Variants in PIK3R1 observed in about 807,000 individuals in gnomAD.
PIK3R1 encodes the protein phosphatidylinositol 3-kinase regulatory subunit alpha.
A neutral mutation model predicts 98.0 loss-of-function variants in PIK3R1; 29 were observed. The ratio of observed to expected loss-of-function variants is 0.30; its 90% confidence interval spans 0.22 to 0.40. The LOEUF is 0.40. PIK3R1 is among the 10% of genes least tolerant of loss of function. The pLI, the probability that PIK3R1 is intolerant of heterozygous loss-of-function variation, is 1.00. For synonymous variants in PIK3R1, 282 were observed against 311.8 expected (o/e 0.90, Z 1.01); for missense variants, 596 against 872.7 (o/e 0.68, Z 3.99).
intron 8 of PIK3R1, 94 bp from the exon 9 acceptor site, chr5:68,293,007 C>T (rs1747478879): frequency 9.7e-7 from 1 of 1,034,254 alleles, no homozygotes; most frequent in Non-Finnish European, 1.5e-6. Context: ...TTGCTGTGAA[C>T]CTAAAACTGC....
intron 7 of PIK3R1, 91 bp from the exon 8 acceptor site, chr5:68,292,168 T>C (rs1747430392): frequency 1.4e-6 from 1 of 726,712 alleles, no homozygotes; most frequent in African/African-American, 1.8e-5. Context: ...TACTCTAACT[T>C]TTTATTTTTT....
chr5:68,297,298 G>C, intron 15 of PIK3R1, 114 bp from the exon 16 acceptor site: 1 of 862,334 alleles, frequency 1.2e-6, no homozygotes, highest in Non-Finnish European at 1.8e-6. Flanking sequence ...TGTAACCTAG[G>C]ACCCTTTCCC....
At chr5:68,292,811 C>G (rs970445596) in intron 8 of PIK3R1, 4 of 1,106,274 alleles carry the variant, frequency 3.6e-6, no homozygotes, top group Non-Finnish European at 4.8e-6. Flanking sequence ...AAAATAAAAA[C>G]TTAGTACCAC....
chr5:68,217,836 G>C (rs1229365691), intron 1 of PIK3R1: 1 of 152,190 alleles, frequency 6.6e-6, no homozygotes, highest in East Asian at 1.9e-4. Context: ...TTCCAGAGAA[G>C]TGGATAGATT....
At chr5:68,282,123 C>T (rs1746872307) in intron 7 of PIK3R1, among the ~76,000 whole-genome samples, 1 of 152,086 alleles carries the variant, frequency 6.6e-6, no homozygotes, top group South Asian at 2.1e-4. Flanking sequence ...TGTTCCAAAT[C>T]ACAGCAAGCA....
rs1747710716 is a variant in PIK3R1, at chr5:68,296,284, A to T, written c.1928A>T (p.Asp643Val). Reference protein sequence around the residue: ...KAENLLRGKRDGTFLVRESSK... With the variant: ...KAENLLRGKRVGTFLVRESSK... ...GAAAACCTGTTGCGAGGGAAGCGAG[A>T]TGGCACTTTTCTTGTCCGGGAGAGC... is the stretch of plus-strand genomic sequence containing the variant. The change falls in exon 15 of 16, where the codon GAT becomes GTT. Residue 643 changes from aspartate to valine, a missense_variant. Coordinates refer to ENST00000521381, the MANE Select transcript of PIK3R1 (RefSeq NM_181523.3). 3.1e-6 allele frequency: 5 copies of T among 1,614,102 alleles called. No individual in the cohort carries two copies. Among genetic ancestry groups the T allele is most frequent in the African/African-American group, 1.3e-5 (1 of 74,950 alleles).
intron 2 of PIK3R1, among the ~76,000 whole-genome samples, chr5:68,229,934 A>G (rs2111976727): frequency 6.6e-6 from 1 of 152,324 alleles, no homozygotes; most frequent in East Asian, 1.9e-4. Context: ...TTAATTGGAT[A>G]ATTTTGGATG....
At position 68,299,020 on chromosome 5, in the gene PIK3R1, T is replaced by C. The variant is rs1384147532; in HGVS notation, c.*1419T>C. ...GTCTTCTCTCACTTTGATTTGCTAGTTGTTATCAATTAATGACAATTACAA... is the reference window on the plus strand; with the variant it reads ...GTCTTCTCTCACTTTGATTTGCTAGCTGTTATCAATTAATGACAATTACAA... On this transcript the variant is annotated 3_prime_UTR_variant, in exon 16 of 16. Coordinates refer to ENST00000521381, the MANE Select transcript of PIK3R1 (RefSeq NM_181523.3). 1 of 233,458 alleles carries C rather than the reference T, an allele frequency of 4.3e-6. No homozygotes were observed. Among genetic ancestry groups the C allele is most frequent in the Non-Finnish European group, 8.5e-6 (1 of 117,976 alleles). The allele number at this position is 233,458 out of a possible 1,614,324, so 14.5% of individuals were successfully genotyped here. A position where few individuals can be genotyped will look rare whatever the true frequency, so the allele number is the denominator to read the frequency against.
At chr5:68,292,497 G>A in intron 8 of PIK3R1, 136 bp downstream of exon 8, 2 of 1,504,812 alleles carry the variant, frequency 1.3e-6, no homozygotes, top group Non-Finnish European at 1.8e-6. Context: ...AAGACGACCA[G>A]AAAAAGTCAC....
At chr5:68,233,280 A>G (rs1744549126) in intron 2 of PIK3R1, among the ~76,000 whole-genome samples, 2 of 152,382 alleles carry the variant, frequency 1.3e-5, no homozygotes, top group South Asian at 4.1e-4. Flanking sequence ...TTTGTTGCTA[A>G]CAGATTTCCA....
chr5:68,279,548 A>G (rs1000113963), intron 4 of PIK3R1, 54 bp from the exon 5 acceptor site: 3 of 1,443,352 alleles, frequency 2.1e-6, no homozygotes, highest in African/African-American at 2.9e-5. Context: ...AATTAGCCCA[A>G]CTGATGTATT....
At chr5:68,217,649 T>TGTGTGTGCGCGC (rs1554044227) in intron 1 of PIK3R1, 1 of 136,042 alleles carries the variant, frequency 7.4e-6, no homozygotes, top group African/African-American at 3.0e-5. Flanking sequence ...TGTGTGTGTG[T>TGTGTGTGCGCGC]GTGTGCGCGC....
At chr5:68,260,070 TAC>T (rs1471393966) in intron 2 of PIK3R1, among the ~76,000 whole-genome samples, 10 of 152,204 alleles carry the variant, frequency 6.6e-5, no homozygotes, top group African/African-American at 2.4e-4. Flanking sequence ...TAGAGCCTGA[TAC>T]ATGTTAAGTA....
chr5:68,244,524 CCCCCCG>C lies in PIK3R1; in HGVS notation c.334+17518_334+17523del. Among the ~76,000 whole-genome samples the C allele has an allele frequency of 5.9e-5, 2 of 34,142 alleles. 1 individual carries two copies. The highest frequency in any genetic ancestry group is 3.5e-4 in the African/African-American group (2 of 5,654). The allele number at this position is 34,142 out of a possible 152,430, so 22.4% of individuals were successfully genotyped here. ...CTATTTCTCTAGGACCGCCCCCCCG[CCCCCCG>C]CCGCCGCTTCAGAGAGCTTTTCTCT... On this transcript the variant is annotated intron_variant, in intron 2 of 15. Coordinates refer to ENST00000521381, the MANE Select transcript of PIK3R1 (RefSeq NM_181523.3).
At position 68,226,933 on chromosome 5, in the gene PIK3R1, A is replaced by G; in HGVS notation, c.258A>G (p.Thr86=). 1 of 1,614,134 alleles carries G rather than the reference A, an allele frequency of 6.2e-7. No individual in the cohort carries two copies. Residue 86 remains threonine, a synonymous_variant, in exon 2 of 16, where the codon ACA becomes ACG. Transcript: ENST00000521381. ...YIGRKKISPP[T]PKPRPPRPLP... ...GAAGGAAAAAAATCTCGCCTCCCAC[A>G]CCAAAGCCCCGGCCACCTCGGCCTC...
At chr5:68,238,385 C>G (rs1340879176) in intron 2 of PIK3R1, among the ~76,000 whole-genome samples, 1 of 152,110 alleles carries the variant, frequency 6.6e-6, no homozygotes, top group African/African-American at 2.4e-5. Context: ...GGAGATCATA[C>G]TGGAGATTTG....
intron 2 of PIK3R1, among the ~76,000 whole-genome samples, chr5:68,237,595 G>GA (rs11308179): frequency 0.017 from 2,329 of 135,776 alleles, 21 homozygotes; most frequent in Non-Finnish European, 0.021. Flanking sequence ...TTTTCCCATT[G>GA]AAAAAAAAAA....
In PIK3R1 at chr5:68,280,702, C is replaced by G; in HGVS notation, c.809C>G (p.Pro270Arg). The G allele has an allele frequency of 6.2e-7, 1 of 1,614,028 alleles. No individual in the cohort carries two copies. The highest frequency in any genetic ancestry group is 8.5e-7 in the Non-Finnish European group (1 of 1,179,972). ...AGAGTACTCTCTGAAATTTTCAGCC[C>G]TATGCTTTTCAGATTCTCAGCAGCC... The part of the protein sequence containing the change: ...NARVLSEIFS[P>R]MLFRFSAASS... Residue 270 changes from proline to arginine, a missense_variant, in exon 6 of 16, where the codon CCT (proline) becomes CGT (arginine). Pro to Arg is a moderately radical substitution (Grantham distance 103, BLOSUM62 -2). Coordinates refer to ENST00000521381, the MANE Select transcript of PIK3R1 (RefSeq NM_181523.3).
At chr5:68,223,238 G>C (rs1034913140) in intron 1 of PIK3R1, among the ~76,000 whole-genome samples, 1 of 151,886 alleles carries the variant, frequency 6.6e-6, no homozygotes, top group Non-Finnish European at 1.5e-5. Flanking sequence ...ACGTCAAAAT[G>C]GACATGGCAG....
Sources: gnomAD v4.1 joint callset for allele counts (sites outside exome capture counted in the v4.1 genomes callset) on GRCh38, gnomAD v4.1.1 for gene constraint, MANE v1.5 for transcripts, NCBI Gene and HGNC (gene_info 2026-07-23, HGNC 2026-07-21) for gene names.